CNBD1: variants seen among roughly 807,000 people sequenced by gnomAD.
The protein encoded by CNBD1 is cyclic nucleotide binding domain containing 1, also known as cyclic nucleotide-binding domain-containing protein 1.
In CNBD1, 71 loss-of-function variants were observed where a neutral mutation model predicts 54.4. That is an observed-to-expected ratio of 1.30 (90% CI 1.08 to 1.59). The LOEUF (loss-of-function observed/expected upper bound fraction) is 1.59. Ranked by LOEUF, CNBD1 falls within the 40% of genes most tolerant of loss-of-function variation. The probability of loss-of-function intolerance (pLI) is 0.00; values close to 1 mark genes in which losing one functional copy is unlikely to be tolerated. For synonymous variants in CNBD1, 182 were observed against 170.7 expected (o/e 1.07, Z -0.51); for missense variants, 659 against 518.0 (o/e 1.27, Z -2.64).
intron 4 of CNBD1, among the ~76,000 whole-genome samples, chr8:87,200,002 C>A (rs1300248391): frequency 1.3e-5 from 2 of 151,958 alleles, no homozygotes; most frequent in Non-Finnish European, 2.9e-5. Context: ...AAGTTGTCTA[C>A]CTTAAATATG....
intron 6 of CNBD1, among the ~76,000 whole-genome samples, chr8:87,275,092 G>T (rs376861375): frequency 7.4e-6 from 1 of 135,676 alleles, no homozygotes; most frequent in Non-Finnish European, 1.6e-5. Context: ...GTAGATATGC[G>T]GCGTTATTTC....
At chr8:87,276,616 G>A (rs1808485475) in intron 6 of CNBD1, among the ~76,000 whole-genome samples, 2 of 151,842 alleles carry the variant, frequency 1.3e-5, no homozygotes, top group Non-Finnish European at 2.9e-5. Flanking sequence ...TGGTGAAGTA[G>A]CTTGCCTCAG....
intron 4 of CNBD1, among the ~76,000 whole-genome samples, chr8:87,087,175 C>CAA (rs59439868): frequency 1.0e-3 from 113 of 113,494 alleles, no homozygotes; most frequent in South Asian, 1.8e-3. Flanking sequence ...ATGTATGAGG[C>CAA]AAAAAAAAAA....
intron 4 of CNBD1, among the ~76,000 whole-genome samples, chr8:87,101,882 G>T (rs1221848467): frequency 1.3e-5 from 2 of 150,496 alleles, no homozygotes; most frequent in African/African-American, 2.4e-5. Flanking sequence ...GGGATCAGTA[G>T]ATTTAATTTT....
chr8:87,194,826 C>T (rs1460154852), intron 4 of CNBD1, among the ~76,000 whole-genome samples: 1 of 151,354 alleles, frequency 6.6e-6, no homozygotes, highest in African/African-American at 2.4e-5. Context: ...TATGTATGTG[C>T]ATTTGCAACA....
intron 6 of CNBD1, among the ~76,000 whole-genome samples, chr8:87,281,559 T>TAC (rs1808600651): frequency 2.1e-4 from 2 of 9,352 alleles, no homozygotes; most frequent in African/African-American, 7.6e-4. Flanking sequence ...TATATATATA[T>TAC]ATATATATAT....
At chr8:86,911,050 T>C (rs1586128839) in intron 3 of CNBD1, among the ~76,000 whole-genome samples, 1 of 152,316 alleles carries the variant, frequency 6.6e-6, no homozygotes, top group East Asian at 1.9e-4. Context: ...TCTTTTATTA[T>C]GCAAAAGGAT....
intron 6 of CNBD1, among the ~76,000 whole-genome samples, chr8:87,268,348 C>A (rs929595562): frequency 3.3e-5 from 5 of 151,982 alleles, no homozygotes; most frequent in African/African-American, 4.8e-5. Context: ...TTATCCAGTC[C>A]ACCATGATGG....
At chr8:87,287,985 G>A (rs574980323) in intron 8 of CNBD1, among the ~76,000 whole-genome samples, 4 of 151,734 alleles carry the variant, frequency 2.6e-5, no homozygotes, top group East Asian at 1.9e-4. Flanking sequence ...GTTATAAATG[G>A]CATTTTTTTA....
chr8:87,257,643 T>C (rs1284235994), intron 6 of CNBD1, among the ~76,000 whole-genome samples: 1 of 152,104 alleles, frequency 6.6e-6, no homozygotes, highest in Non-Finnish European at 1.5e-5. Context: ...GCCATCCTGG[T>C]TCTCCGTGAG....
intron 5 of CNBD1, among the ~76,000 whole-genome samples, chr8:87,232,273 C>T (rs548312967): frequency 1.3e-4 from 20 of 152,124 alleles, no homozygotes; most frequent in Admixed American, 7.9e-4. Context: ...TACTTTCATT[C>T]CTCCTGAGCA....
At chr8:87,049,101 A>C (rs976087944) in intron 4 of CNBD1, among the ~76,000 whole-genome samples, 1 of 152,160 alleles carries the variant, frequency 6.6e-6, no homozygotes, top group African/African-American at 2.4e-5. Context: ...TCTCTTATGG[A>C]GCCCTCCCAG....
intron 2 of CNBD1, among the ~76,000 whole-genome samples, chr8:87,419,696 A>C (rs1807895511): frequency 6.6e-6 from 1 of 151,878 alleles, no homozygotes; most frequent in South Asian, 2.1e-4. Context: ...TATGTGACAA[A>C]GTTTGTCTAT....
At chr8:87,153,719 G>C (rs113501207) in intron 4 of CNBD1, among the ~76,000 whole-genome samples, 2 of 152,208 alleles carry the variant, frequency 1.3e-5, no homozygotes, top group Non-Finnish European at 1.5e-5. Flanking sequence ...GTGCAATGGA[G>C]ATACATGAGT....
At chr8:87,388,757 C>T (rs992073431) in intron 2 of CNBD1, among the ~76,000 whole-genome samples, 1 of 152,140 alleles carries the variant, frequency 6.6e-6, no homozygotes, top group African/African-American at 2.4e-5. Context: ...TTTATGAGGC[C>T]TACATTATCC....
chr8:87,247,154 G>A (rs1423590363), intron 6 of CNBD1, among the ~76,000 whole-genome samples: 6 of 152,114 alleles, frequency 3.9e-5, no homozygotes, highest in Non-Finnish European at 7.3e-5. Flanking sequence ...AACATATGGG[G>A]ATTTGAAGTT....
intron 4 of CNBD1, among the ~76,000 whole-genome samples, chr8:87,019,653 G>T (rs773030545): frequency 2.6e-5 from 4 of 152,068 alleles, no homozygotes; most frequent in South Asian, 2.1e-4. Flanking sequence ...CGAGGTGGGC[G>T]GATCACCTAA....
chr8:87,038,270 G>C (rs1402985108), intron 4 of CNBD1, among the ~76,000 whole-genome samples: 2 of 152,154 alleles, frequency 1.3e-5, no homozygotes, highest in Non-Finnish European at 2.9e-5. Context: ...ATAACCTCCT[G>C]ATGGCTTCTT....
chr8:86,972,299 G>T (rs1229276687), intron 4 of CNBD1, among the ~76,000 whole-genome samples: 1 of 152,100 alleles, frequency 6.6e-6, no homozygotes, highest in Non-Finnish European at 1.5e-5. Context: ...ACAATAGTGA[G>T]CAGTTTTTTA....
Sources: allele counts gnomAD v4.1 joint callset (sites outside exome capture counted in the v4.1 genomes callset), GRCh38; gene constraint gnomAD v4.1.1; transcripts MANE v1.5; gene names NCBI Gene and HGNC (gene_info 2026-07-23, HGNC 2026-07-21).